Variants in CASP5 observed in about 807,000 individuals in gnomAD.
CASP5 encodes the protein caspase 5.
A neutral mutation model predicts 45.2 loss-of-function variants in CASP5; 42 were observed. The observed-to-expected ratio is 0.93, with a 90% confidence interval of 0.73 to 1.20. The LOEUF is 1.20. Among genes scored for constraint, CASP5 ranks in the 50% most tolerant of loss-of-function variants. The probability of loss-of-function intolerance (pLI) is 0.00; values close to 1 mark genes in which losing one functional copy is unlikely to be tolerated. For synonymous variants in CASP5, 209 were observed against 186.2 expected (o/e 1.12, Z -1.00); for missense variants, 512 against 532.2 (o/e 0.96, Z 0.37).
At chr11:105,000,145 A>G (rs1307689901) in intron 6 of CASP5, 116 bp downstream of exon 6, 13 of 1,060,932 alleles carry the variant, frequency 1.2e-5, no homozygotes, top group East Asian at 2.4e-5. Flanking sequence ...TCATAATTCA[A>G]TGTACTTTAT....
intron 1 of CASP5, among the ~76,000 whole-genome samples, chr11:105,021,519 C>T (rs973115973): frequency 1.3e-5 from 2 of 150,474 alleles, no homozygotes; most frequent in African/African-American, 4.9e-5. Context: ...AGACACTTCT[C>T]AAAAGAAGAC....
chr11:105,022,933 C>A (rs1295752975), intron 1 of CASP5, among the ~76,000 whole-genome samples, 197 bp downstream of exon 1: 2 of 151,452 alleles, frequency 1.3e-5, no homozygotes, highest in African/African-American at 4.8e-5. Flanking sequence ...TTGAAAACAT[C>A]TAGAGAACAT....
chr11:105,021,301 T>C lies in CASP5; in HGVS notation c.7+1829A>G, dbSNP rs1243263955. On this transcript the variant is annotated intron_variant, in intron 1 of 9. Transcript: ENST00000260315. ...AAGCAATGGCAACAGAAGCCAAAAT[T>C]GACAAATGGGATCTAATTAAACTAA... Among the ~76,000 whole-genome samples, 5 of 145,114 alleles carry C rather than the reference T, an allele frequency of 3.4e-5. No homozygotes were observed. The South Asian group carries it at 1.1e-3, about 32-fold the overall frequency.
intron 5 of CASP5, 28 bp from the exon 6 acceptor site, chr11:105,000,523 T>G (rs769989659): frequency 1.3e-6 from 2 of 1,596,420 alleles, no homozygotes; most frequent in Non-Finnish European, 1.7e-6. Flanking sequence ...CTAACTTCAG[T>G]CAGAGAAGCA....
At chr11:105,022,945 C>G (rs888199994) in intron 1 of CASP5, among the ~76,000 whole-genome samples, 185 bp downstream of exon 1, 8 of 149,316 alleles carry the variant, frequency 5.4e-5, no homozygotes, top group African/African-American at 1.9e-4. Flanking sequence ...AGAGAACATA[C>G]TCTCCTTCAG....
intron 1 of CASP5, among the ~76,000 whole-genome samples, chr11:105,017,673 C>T (rs370562185): frequency 2.6e-5 from 4 of 151,958 alleles, no homozygotes; most frequent in Admixed American, 6.6e-5. Flanking sequence ...ACCAAATCTA[C>T]GTCTGATTGG....
At chr11:105,016,759 A>G (rs1429796643) in intron 1 of CASP5, among the ~76,000 whole-genome samples, 6 of 152,160 alleles carry the variant, frequency 3.9e-5, no homozygotes, top group Non-Finnish European at 8.8e-5. Flanking sequence ...AGGCTTGCTT[A>G]GGTAAACAAA....
At chr11:105,017,915 G>A (rs1862717568) in intron 1 of CASP5, among the ~76,000 whole-genome samples, 1 of 152,102 alleles carries the variant, frequency 6.6e-6, no homozygotes, top group South Asian at 2.1e-4. Context: ...AGAAAGGTCA[G>A]GTTACCCTCA....
chr11:105,012,300 A>G (rs750789379), intron 1 of CASP5, among the ~76,000 whole-genome samples: 1 of 151,814 alleles, frequency 6.6e-6, no homozygotes, highest in Admixed American at 6.6e-5. Context: ...GATTAAAAAC[A>G]TAAGCCTAAT....
intron 1 of CASP5, among the ~76,000 whole-genome samples, chr11:105,012,261 C>T (rs486576): frequency 0.21 from 31,950 of 151,552 alleles, 3,775 homozygotes; most frequent in African/African-American, 0.29. Context: ...CCCTTATCTG[C>T]CACCATATAC....
intron 1 of CASP5, among the ~76,000 whole-genome samples, chr11:105,009,777 A>G (rs1448603631): frequency 8.7e-6 from 1 of 114,930 alleles, no homozygotes; most frequent in African/African-American, 4.2e-5. Context: ...ACACGTATAT[A>G]TATATATATA....
intron 3 of CASP5, among the ~76,000 whole-genome samples, chr11:105,004,973 T>C (rs1401304644): frequency 6.6e-6 from 1 of 152,040 alleles, no homozygotes; most frequent in African/African-American, 2.4e-5. Context: ...GAACAGGTGT[T>C]TTCCAGTAAA....
chr11:105,002,416 C>G (rs997323157), intron 4 of CASP5, among the ~76,000 whole-genome samples: 1 of 152,140 alleles, frequency 6.6e-6, no homozygotes, highest in Non-Finnish European at 1.5e-5. Context: ...TAGAATAATT[C>G]CTACCCCCTT....
At chr11:105,023,041 T>C in intron 1 of CASP5, 89 bp downstream of exon 1, 1 of 1,203,422 alleles carries the variant, frequency 8.3e-7, no homozygotes, top group Non-Finnish European at 1.2e-6. Flanking sequence ...ATTTCCCTTT[T>C]GGTATTTCTG....
intron 1 of CASP5, among the ~76,000 whole-genome samples, chr11:105,016,640 G>A (rs1233711677): frequency 6.6e-6 from 1 of 152,224 alleles, no homozygotes; most frequent in East Asian, 1.9e-4. Context: ...TCCTGCACCT[G>A]GCTCGGAGGG....
At chr11:105,009,773 ATATATATATATATACACACG>A (rs1175712628) in intron 1 of CASP5, among the ~76,000 whole-genome samples, 3,095 of 57,042 alleles carry the variant, frequency 0.054, 87 homozygotes, top group Non-Finnish European at 0.078. Context: ...ACACACACGT[ATATATATATATATACACACG>A]TATATATATA....
chr11:105,008,728 C>A, intron 2 of CASP5, 79 bp downstream of exon 2: 1 of 981,966 alleles, frequency 1.0e-6, no homozygotes, highest in Non-Finnish European at 1.6e-6. Context: ...AGGGGGATCA[C>A]AGAAGTCACT....
chr11:105,020,412 T>C (rs1000615839), intron 1 of CASP5, among the ~76,000 whole-genome samples: 29 of 150,466 alleles, frequency 1.9e-4, no homozygotes, highest in South Asian at 8.5e-4. Flanking sequence ...AAAACCCCAT[T>C]GTCTCAGCCC....
intron 1 of CASP5, among the ~76,000 whole-genome samples, chr11:105,020,387 T>A (rs1338221853): frequency 6.6e-6 from 1 of 151,542 alleles, no homozygotes; most frequent in African/African-American, 2.4e-5. Context: ...GCAGACGACA[T>A]GATTGTATAT....
Sources: gnomAD v4.1 joint callset for allele counts (sites outside exome capture counted in the v4.1 genomes callset) on GRCh38, gnomAD v4.1.1 for gene constraint, MANE v1.5 for transcripts, NCBI Gene and HGNC (gene_info 2026-07-23, HGNC 2026-07-21) for gene names.